CNTNAP2: variants seen among roughly 807,000 people sequenced by gnomAD.
CNTNAP2 encodes the protein contactin-associated protein-like 2.
CNTNAP2 carries 98 observed loss-of-function variants against 155.2 expected under a neutral mutation model. The ratio of observed to expected loss-of-function variants is 0.63; its 90% CI spans 0.54 to 0.75. CNTNAP2 has a LOEUF of 0.75. Among genes scored for constraint, CNTNAP2 ranks in the 30% least tolerant of loss-of-function variants. CNTNAP2 has a pLI of 0.00. For missense variants in CNTNAP2, 1,727 were observed against 1,688.1 expected, an observed-to-expected ratio of 1.02 and a Z score of -0.40; for synonymous variants, 651 against 631.2, an observed-to-expected ratio of 1.03 and a Z score of -0.47.
intron 9 of CNTNAP2, among the ~76,000 whole-genome samples, chr7:147,350,542 T>C (rs1432699577): frequency 6.6e-6 from 1 of 151,900 alleles, no homozygotes; most frequent in Admixed American, 6.6e-5. Flanking sequence ...AATTGAACAT[T>C]AAAATTCTTG....
chr7:146,634,043 G>T (rs1221691993), intron 1 of CNTNAP2, among the ~76,000 whole-genome samples: 1 of 151,932 alleles, frequency 6.6e-6, no homozygotes, highest in Admixed American at 6.5e-5. Context: ...CTGGAAAGAG[G>T]CTGAGGTGCC....
At chr7:147,272,643 C>CA (rs1804779442) in intron 8 of CNTNAP2, among the ~76,000 whole-genome samples, 1 of 151,068 alleles carries the variant, frequency 6.6e-6, no homozygotes, top group Admixed American at 6.6e-5. Context: ...GGACTACAGG[C>CA]GCCGCCACCA....
chr7:146,920,416 A>G (rs1796477872), intron 3 of CNTNAP2, among the ~76,000 whole-genome samples: 1 of 149,034 alleles, frequency 6.7e-6, no homozygotes, highest in Non-Finnish European at 1.5e-5. Flanking sequence ...AACTCCATTA[A>G]AAAAAAAAAG....
rs58638014 is a variant in CNTNAP2 at position 147,498,171 on chromosome 7, TAAAAAAA to T, written c.1777+12144_1777+12150del. 4.1e-3 allele frequency among the ~76,000 whole-genome samples: 537 copies of T among 130,414 alleles called. 2 individuals are homozygous for T. The highest frequency in any genetic ancestry group is 9.7e-3 in the East Asian group (44 of 4,556). The allele number at this position is 130,414 out of a possible 152,430, so 85.6% of individuals were successfully genotyped here. On this transcript the variant is annotated intron_variant, in intron 11 of 23. Transcript: ENST00000361727. Reference sequence around the variant, plus strand: ...CCTGATGGGAAAGCCCAAGCTATGATAAAAAAAAAAAAAAAAAAAATCTCCTCTCTTC... The same window carrying T: ...CCTGATGGGAAAGCCCAAGCTATGATAAAAAAAAAAAAATCTCCTCTCTTC...
chr7:147,530,186 C>CTTTT (rs35151574), intron 11 of CNTNAP2, among the ~76,000 whole-genome samples: 4,420 of 136,306 alleles, frequency 0.032, 272 homozygotes, highest in African/African-American at 0.11. Context: ...GCAAAAGGCA[C>CTTTT]TTTTTTTTTT....
At chr7:146,230,535 CA>C (rs1049138328) in intron 1 of CNTNAP2, among the ~76,000 whole-genome samples, 3 of 152,008 alleles carry the variant, frequency 2.0e-5, no homozygotes, top group African/African-American at 7.3e-5. Flanking sequence ...ATAAAGAATG[CA>C]AGTCAATAGA....
chr7:147,936,864 G>A (rs760729168), intron 14 of CNTNAP2, among the ~76,000 whole-genome samples: 56 of 152,126 alleles, frequency 3.7e-4, no homozygotes, highest in Non-Finnish European at 7.4e-4. Context: ...ATAAAGTTCT[G>A]CAGGTTTCTG....
At chr7:148,242,190 C>T (rs1227966670) in intron 20 of CNTNAP2, among the ~76,000 whole-genome samples, 1 of 152,226 alleles carries the variant, frequency 6.6e-6, no homozygotes, top group African/African-American at 2.4e-5. Context: ...ACTAAAATCA[C>T]TCTCAAAGAT....
At chr7:147,405,288 T>G (rs1796986918) in intron 10 of CNTNAP2, among the ~76,000 whole-genome samples, 1 of 152,200 alleles carries the variant, frequency 6.6e-6, no homozygotes, top group South Asian at 2.1e-4. Flanking sequence ...TAAGAGCAAT[T>G]GATTTTAAAA....
chr7:146,183,810 T>C (rs1798584392), intron 1 of CNTNAP2, among the ~76,000 whole-genome samples: 1 of 152,060 alleles, frequency 6.6e-6, no homozygotes, highest in South Asian at 2.1e-4. Context: ...CTCCCACCTA[T>C]AATTTTCTGT....
chr7:146,508,645 T>C (rs1407190708), intron 1 of CNTNAP2, among the ~76,000 whole-genome samples: 1 of 152,124 alleles, frequency 6.6e-6, no homozygotes, highest in East Asian at 1.9e-4. Context: ...CCTTGACCAG[T>C]TTCCTAATCA....
chr7:147,466,177 A>G (rs11772135), intron 10 of CNTNAP2, among the ~76,000 whole-genome samples: 27,314 of 152,184 alleles, frequency 0.18, 3,145 homozygotes, highest in Non-Finnish European at 0.25. Flanking sequence ...TGATTGAAGG[A>G]AAAAAGGGCC....
At chr7:146,800,034 A>G (rs1802846381) in intron 2 of CNTNAP2, among the ~76,000 whole-genome samples, 1 of 152,194 alleles carries the variant, frequency 6.6e-6, no homozygotes, top group Admixed American at 6.5e-5. Context: ...ATATGGACTC[A>G]GTTCTAATTC....
intron 16 of CNTNAP2, among the ~76,000 whole-genome samples, chr7:148,135,372 G>A (rs1462489198): frequency 6.6e-6 from 1 of 152,162 alleles, no homozygotes; most frequent in Non-Finnish European, 1.5e-5. Flanking sequence ...ACAGTCCCTT[G>A]CTGTTGGGCT....
intron 18 of CNTNAP2, among the ~76,000 whole-genome samples, chr7:148,193,395 G>T (rs1360870854): frequency 1.3e-5 from 2 of 152,092 alleles, no homozygotes; most frequent in African/African-American, 4.8e-5. Flanking sequence ...GAATACAAAT[G>T]AACTTCGGGG....
chr7:148,257,236 CTCCCTGACTTA>C (rs1796470641), intron 20 of CNTNAP2, among the ~76,000 whole-genome samples: 1 of 152,166 alleles, frequency 6.6e-6, no homozygotes, highest in African/African-American at 2.4e-5. Flanking sequence ...GAGGCAAAGG[CTCCCTGACTTA>C]TCCATCTGCA....
At chr7:148,213,651 C>A (rs955842980) in intron 18 of CNTNAP2, among the ~76,000 whole-genome samples, 1 of 152,074 alleles carries the variant, frequency 6.6e-6, no homozygotes, top group African/African-American at 2.4e-5. Context: ...AGGTAATGAC[C>A]CCCCACATTC....
chr7:148,364,129 G>A (rs1240146081), intron 21 of CNTNAP2, among the ~76,000 whole-genome samples: 11 of 152,164 alleles, frequency 7.2e-5, no homozygotes, highest in African/African-American at 1.4e-4. Context: ...GAGCCTCCCC[G>A]ACGAGCGCCA....
At chr7:148,174,814 G>A (rs147842278) in intron 18 of CNTNAP2, among the ~76,000 whole-genome samples, 208 of 152,126 alleles carry the variant, frequency 1.4e-3, no homozygotes, top group Admixed American at 2.7e-3. Context: ...ATAAGCATAC[G>A]TGTGCCATGG....
Sources: gnomAD v4.1 joint callset for allele counts (sites outside exome capture counted in the v4.1 genomes callset) on GRCh38, gnomAD v4.1.1 for gene constraint, MANE v1.5 for transcripts, NCBI Gene and HGNC (gene_info 2026-07-23, HGNC 2026-07-21) for gene names.